COL24A1: variants seen among roughly 807,000 people sequenced by gnomAD.
COL24A1 encodes the protein collagen alpha-1(XXIV) chain.
In COL24A1, 224 loss-of-function variants were observed where a neutral mutation model predicts 253.9. The ratio of observed to expected loss-of-function variants is 0.88; its 90% CI spans 0.79 to 0.99. The LOEUF is 0.99. Ranked by LOEUF, COL24A1 falls within the 50% of genes least tolerant of loss-of-function variation. The probability of loss-of-function intolerance (pLI) is 0.00; values close to 1 mark genes in which losing one functional copy is unlikely to be tolerated. For missense variants in COL24A1, 2,131 were observed against 2,068.5 expected (o/e 1.03, Z -0.59); for synonymous variants, 685 against 673.7 (o/e 1.02, Z -0.26).
intron 43 of COL24A1, among the ~76,000 whole-genome samples, chr1:85,829,456 C>T (rs1363709800): frequency 6.6e-6 from 1 of 151,580 alleles, no homozygotes; most frequent in Non-Finnish European, 1.5e-5. Flanking sequence ...TTTCCTGAAT[C>T]TGAATGTTGG....
intron 2 of COL24A1, among the ~76,000 whole-genome samples, chr1:86,132,271 T>A (rs1433430500): frequency 6.6e-6 from 1 of 152,346 alleles, no homozygotes; most frequent in East Asian, 1.9e-4. Context: ...ATTAGCCCTT[T>A]GTCAGATGAG....
chr1:85,981,910 T>C (rs1413360700), intron 20 of COL24A1, among the ~76,000 whole-genome samples: 1 of 152,150 alleles, frequency 6.6e-6, no homozygotes, highest in Non-Finnish European at 1.5e-5. Context: ...ACATCAATGT[T>C]AACAGGATAA....
rs577572956 is a variant in COL24A1, at chr1:85,988,205, A to G, written c.2311-551T>C. Among the ~76,000 whole-genome samples, 6 of 152,030 alleles carry G rather than the reference A, an allele frequency of 3.9e-5. No homozygotes were observed. The East Asian group carries it at 1.2e-3, about 29-fold the overall frequency. On this transcript the variant is annotated intron_variant, in intron 19 of 59. Coordinates refer to ENST00000370571, the MANE Select transcript of COL24A1 (RefSeq NM_152890.7). ...CTAACATCCCCATATTTAATTGTCT[A>G]TAAATACTTAAGTCCTCAAAGGCTC...
chr1:85,844,125 G>GAAAGA (rs1676920798), intron 39 of COL24A1, among the ~76,000 whole-genome samples: 1 of 151,602 alleles, frequency 6.6e-6, no homozygotes, highest in East Asian at 1.9e-4. Context: ...AAGAAAGAAA[G>GAAAGA]AAAGAAAAGA....
At chr1:86,111,238 CTG>C (rs1365390949) in intron 5 of COL24A1, among the ~76,000 whole-genome samples, 2 of 151,846 alleles carry the variant, frequency 1.3e-5, no homozygotes, top group Admixed American at 6.6e-5. Flanking sequence ...AATCAGCACT[CTG>C]TATCTAGCTA....
At chr1:86,011,657 T>C (rs1696492899) in intron 19 of COL24A1, among the ~76,000 whole-genome samples, 1 of 152,246 alleles carries the variant, frequency 6.6e-6, no homozygotes, top group South Asian at 2.1e-4. Context: ...GTCTTTCTTT[T>C]ATCACTTTGT....
At chr1:85,855,660 A>C (rs893923522) in intron 37 of COL24A1, among the ~76,000 whole-genome samples, 3 of 152,056 alleles carry the variant, frequency 2.0e-5, no homozygotes, top group Non-Finnish European at 4.4e-5. Context: ...AGGGATATTG[A>C]CCTGAAGTCT....
intron 14 of COL24A1, chr1:86,030,414 C>T (rs1204754921): frequency 6.6e-6 from 1 of 152,302 alleles, no homozygotes; most frequent in Non-Finnish European, 1.5e-5. Flanking sequence ...TGGAGCATGG[C>T]TAGGTGACTG....
At chr1:85,779,825 A>G (rs17128284) in intron 52 of COL24A1, among the ~76,000 whole-genome samples, 1,604 of 152,124 alleles carry the variant, frequency 0.011, 58 homozygotes, top group Admixed American at 0.064. Context: ...CAATGCTTTC[A>G]CCAATCTGAA....
In COL24A1 at chr1:85,898,206, C is replaced by T. The variant is rs532948936; in HGVS notation, c.2779-1797G>A. 2.6e-5 allele frequency among the ~76,000 whole-genome samples: 4 copies of T among 152,292 alleles called. No homozygotes were observed. The East Asian group carries it at 7.7e-4, about 29-fold the overall frequency. On this transcript the variant is annotated intron_variant, in intron 28 of 59. Transcript: ENST00000370571. ...AAGATTTCTATACAGAACGGTGATA[C>T]AAATCTCCCAGGACAACATACAGAT...
intron 35 of COL24A1, among the ~76,000 whole-genome samples, chr1:85,873,552 G>T (rs935834578): frequency 6.6e-6 from 1 of 152,170 alleles, no homozygotes; most frequent in Non-Finnish European, 1.5e-5. Flanking sequence ...CATGGATGAA[G>T]CTGGAAACCA....
At chr1:86,053,619 T>C (rs1212001334) in intron 10 of COL24A1, among the ~76,000 whole-genome samples, 3 of 152,026 alleles carry the variant, frequency 2.0e-5, no homozygotes, top group African/African-American at 7.2e-5. Flanking sequence ...TTAGAAGCAA[T>C]TTTGTGTCAC....
intron 35 of COL24A1, among the ~76,000 whole-genome samples, chr1:85,870,898 T>A (rs1367947885): frequency 6.6e-6 from 1 of 151,972 alleles, no homozygotes; most frequent in Non-Finnish European, 1.5e-5. Flanking sequence ...AAAAAATCAA[T>A]GAATCCAAGA....
At chr1:85,994,221 G>A (rs1047039573) in intron 19 of COL24A1, among the ~76,000 whole-genome samples, 3 of 151,500 alleles carry the variant, frequency 2.0e-5, no homozygotes, top group Admixed American at 2.0e-4. Flanking sequence ...ATTAATAAAG[G>A]CAACATGTAA....
chr1:85,732,108 G>T (rs540387955), intron 59 of COL24A1, among the ~76,000 whole-genome samples: 1 of 152,248 alleles, frequency 6.6e-6, no homozygotes, highest in East Asian at 1.9e-4. Flanking sequence ...ATATAAAATG[G>T]GAATAATAAA....
chr1:85,859,505 G>A (rs1473875306), intron 37 of COL24A1, among the ~76,000 whole-genome samples: 3 of 152,114 alleles, frequency 2.0e-5, no homozygotes, highest in Admixed American at 6.6e-5. Flanking sequence ...AAGGGGTTGC[G>A]TTATTCTATA....
At chr1:85,900,618 GA>G (rs1331866347) in intron 28 of COL24A1, among the ~76,000 whole-genome samples, 18 of 152,118 alleles carry the variant, frequency 1.2e-4, no homozygotes, top group African/African-American at 3.9e-4. Flanking sequence ...CAGCCTGGGT[GA>G]CAGAGTTACA....
chr1:86,127,889 G>GT (rs917274769), intron 2 of COL24A1, among the ~76,000 whole-genome samples: 4 of 151,850 alleles, frequency 2.6e-5, no homozygotes, highest in African/African-American at 7.2e-5. Context: ...CAATTAAAAT[G>GT]TTTTTTAACA....
chr1:86,027,795 G>T (rs546269), intron 14 of COL24A1, among the ~76,000 whole-genome samples: 1 of 151,950 alleles, frequency 6.6e-6, no homozygotes, highest in African/African-American at 2.4e-5. Context: ...GTAGATCCAC[G>T]AACAGCTTGC....
Sources: allele counts gnomAD v4.1 joint callset (sites outside exome capture counted in the v4.1 genomes callset), GRCh38; gene constraint gnomAD v4.1.1; transcripts MANE v1.5; gene names NCBI Gene and HGNC (gene_info 2026-07-23, HGNC 2026-07-21).